The following FLVCR2 variants were observed in gnomAD, a reference collection of about 807,000 sequenced individuals.
The protein encoded by FLVCR2 is FLVCR choline and putative heme transporter 2, also known as choline/ethanolamine transporter FLVCR2.
In FLVCR2, 38 loss-of-function variants were observed where a neutral mutation model predicts 48.9. That is an observed-to-expected ratio of 0.78 (90% confidence interval 0.60 to 1.02). FLVCR2 has a LOEUF of 1.02. Among genes scored for constraint, FLVCR2 ranks in the 50% least tolerant of loss-of-function variants. The pLI is 0.00. For missense variants in FLVCR2, 664 were observed against 663.3 expected (o/e 1.00, Z -0.01); for synonymous variants, 255 against 257.0 (o/e 0.99, Z 0.07).
Position 75,629,014 on chromosome 14 carries a change from GT to G in FLVCR2, c.952+4263del, listed in dbSNP as rs577360812. ...GGGAGTAACTGTCCTGCAGCTGGTGGTATTGTATTTGTAGTGGCTTTTCAAG... is the reference window on the plus strand; with the variant it reads ...GGGAGTAACTGTCCTGCAGCTGGTGGATTGTATTTGTAGTGGCTTTTCAAG... On this transcript the variant is annotated intron_variant, in intron 3 of 9. Coordinates refer to ENST00000238667, the MANE Select transcript of FLVCR2 (RefSeq NM_017791.3). Among the ~76,000 whole-genome samples, 13 of 152,256 alleles carry G rather than the reference GT, an allele frequency of 8.5e-5. No individual in the cohort carries two copies. The East Asian group carries it at 2.3e-3, about 27-fold the overall frequency.
chr14:75,611,791 T>C (rs1291446579), intron 1 of FLVCR2, among the ~76,000 whole-genome samples: 1 of 151,846 alleles, frequency 6.6e-6, no homozygotes, highest in Non-Finnish European at 1.5e-5. Context: ...AAACCAGAGA[T>C]GATGGTGCCA....
At chr14:75,596,974 G>A (rs1202075135) in intron 1 of FLVCR2, among the ~76,000 whole-genome samples, 1 of 152,094 alleles carries the variant, frequency 6.6e-6, no homozygotes, top group Non-Finnish European at 1.5e-5. Flanking sequence ...TCTTAAAACT[G>A]CATCAGATTA....
At chr14:75,612,421 A>G (rs1199105291) in intron 1 of FLVCR2, among the ~76,000 whole-genome samples, 2 of 151,954 alleles carry the variant, frequency 1.3e-5, no homozygotes, top group Non-Finnish European at 2.9e-5. Context: ...CTGTAACCCT[A>G]CTCCCTAAGT....
chr14:75,639,471 C>T lies in FLVCR2; in HGVS notation c.1235+9C>T, dbSNP rs1398598926. The T allele has an allele frequency of 1.0e-5, 16 of 1,563,004 alleles. No homozygotes were observed. Among genetic ancestry groups the T allele is most frequent in the Admixed American group, 1.7e-5 (1 of 59,914 alleles). ...ACTGCTGGCACAATGGGGTAAGTTT[C>T]ACCTCTGGCTGATTTATTAGAAAAT... On this transcript the variant is annotated intron_variant, in intron 6 of 9. Coordinates refer to ENST00000238667, the MANE Select transcript of FLVCR2 (RefSeq NM_017791.3).
chr14:75,628,403 T>TA (rs1301023405), intron 3 of FLVCR2, among the ~76,000 whole-genome samples: 2 of 152,236 alleles, frequency 1.3e-5, no homozygotes, highest in Non-Finnish European at 2.9e-5. Flanking sequence ...AAATGCCCTC[T>TA]ATCAATTCAA....
intron 1 of FLVCR2, among the ~76,000 whole-genome samples, chr14:75,610,989 A>G (rs1889429439): frequency 1.3e-5 from 2 of 152,188 alleles, no homozygotes; most frequent in South Asian, 4.1e-4. Flanking sequence ...CACTCAGAAA[A>G]TATTTCCTGA....
At chr14:75,632,519 C>A in intron 3 of FLVCR2, 1 of 659,902 alleles carries the variant, frequency 1.5e-6, no homozygotes, top group Non-Finnish European at 2.7e-6. Context: ...GAGCATTAAG[C>A]CAGGGTGGTT....
chr14:75,611,366 G>A (rs1889441813), intron 1 of FLVCR2, among the ~76,000 whole-genome samples: 1 of 152,166 alleles, frequency 6.6e-6, no homozygotes, highest in African/African-American at 2.4e-5. Flanking sequence ...AGATAGCCAA[G>A]GGTATGAATC....
rs1890101111 is a variant in FLVCR2, at chr14:75,633,767, G to C, written c.1020+71G>C. 3 of 1,197,072 alleles carry C rather than the reference G, an allele frequency of 2.5e-6. No individual in the cohort carries two copies. In the East Asian group the frequency reaches 7.0e-5, roughly 28 times the overall value. 74.2% of individuals were successfully genotyped at this position (1,197,072 alleles called of 1,614,324 possible). The stretch of plus-strand genomic sequence containing the variant: ...TCTAAGTCTGTCTTGGCAGGACCTG[G>C]GATGACCGTTAAGTCTTCATTCCCC... On this transcript the variant is annotated intron_variant, in intron 4 of 9. Coordinates refer to ENST00000238667, the MANE Select transcript of FLVCR2 (RefSeq NM_017791.3).
chr14:75,633,612 C>A lies in FLVCR2; in HGVS notation c.953-17C>A. ...GAAAGCTGACCCTAATGTTGTATTT[C>A]TCGCTCCCTTCTTCAGGTCTGAATG... On this transcript the variant is annotated splice_polypyrimidine_tract_variant and intron_variant, in intron 3 of 9. Coordinates refer to ENST00000238667, the MANE Select transcript of FLVCR2 (RefSeq NM_017791.3). 1 of 1,609,400 alleles carries A rather than the reference C, an allele frequency of 6.2e-7. No homozygotes were observed. The highest frequency in any genetic ancestry group is 8.5e-7 in the Non-Finnish European group (1 of 1,175,666).
chr14:75,632,929 G>T, intron 3 of FLVCR2: 2 of 702,340 alleles, frequency 2.8e-6, no homozygotes, highest in Non-Finnish European at 5.2e-6. Context: ...TTGAAGGGAG[G>T]CCAGGAGGCC....
intron 1 of FLVCR2, among the ~76,000 whole-genome samples, chr14:75,604,574 A>G (rs868558257): frequency 6.7e-6 from 1 of 149,892 alleles, no homozygotes; most frequent in African/African-American, 2.5e-5. Flanking sequence ...AAAAAAAAAA[A>G]GTATTAAATA....
intron 1 of FLVCR2, among the ~76,000 whole-genome samples, chr14:75,584,840 G>A (rs531990259): frequency 2.0e-5 from 3 of 152,342 alleles, no homozygotes; most frequent in Admixed American, 6.5e-5. Context: ...TATATATTTA[G>A]TAGGGTCTGA....
chr14:75,582,751 G>T (rs1045143858), intron 1 of FLVCR2, among the ~76,000 whole-genome samples: 1 of 152,176 alleles, frequency 6.6e-6, no homozygotes, highest in African/African-American at 2.4e-5. Context: ...AAGAGGAGTG[G>T]CGAAAGGATT....
rs2140060063 is a variant in FLVCR2 at position 75,647,849 on chromosome 14, C to T, written c.*1377C>T. 6.5e-6 allele frequency: 1 copy of T among 153,020 alleles called. No homozygotes were observed. Among genetic ancestry groups the T allele is most frequent in the Middle Eastern group, 3.4e-3 (1 of 296 alleles). The allele number at this position is 153,020 out of a possible 1,614,324, so 9.5% of individuals were successfully genotyped here. On this transcript the variant is annotated 3_prime_UTR_variant, in exon 10 of 10. Coordinates refer to ENST00000238667, the MANE Select transcript of FLVCR2 (RefSeq NM_017791.3). ...CTGCAATACTGTGGTGCTTGGGCCA[C>T]TGCCTGAGAGGAGCCAGGTTTGTGT...
chr14:75,626,086 G>A (rs76072355), intron 3 of FLVCR2, among the ~76,000 whole-genome samples: 7,762 of 152,086 alleles, frequency 0.051, 487 homozygotes, highest in South Asian at 0.2. Flanking sequence ...CTGCCTCCCC[G>A]GCTCAAGCAA....
intron 4 of FLVCR2, 122 bp downstream of exon 4, chr14:75,633,818 G>A: frequency 1.2e-6 from 1 of 817,636 alleles, no homozygotes; most frequent in Non-Finnish European, 2.1e-6. Flanking sequence ...GTGATATGGT[G>A]GTATGCTTAT....
chr14:75,600,553 G>A (rs985809420), intron 1 of FLVCR2, among the ~76,000 whole-genome samples: 7 of 152,062 alleles, frequency 4.6e-5, no homozygotes, highest in East Asian at 1.9e-4. Flanking sequence ...CAGTAACATC[G>A]TTATACTATA....
intron 1 of FLVCR2, among the ~76,000 whole-genome samples, chr14:75,580,714 G>A (rs944113317): frequency 1.3e-5 from 2 of 152,164 alleles, no homozygotes; most frequent in African/African-American, 4.8e-5. Flanking sequence ...CAAGGGTGGG[G>A]AGAATTACAA....
Sources: allele counts gnomAD v4.1 joint callset (sites outside exome capture counted in the v4.1 genomes callset), GRCh38; gene constraint gnomAD v4.1.1; transcripts MANE v1.5; gene names NCBI Gene and HGNC (gene_info 2026-07-23, HGNC 2026-07-21).